The following CNTN4 variants were observed in gnomAD, a reference collection of about 807,000 sequenced individuals.
The protein encoded by CNTN4 is contactin 4, also known as contactin-4.
CNTN4 carries 77 observed loss-of-function variants against 122.5 expected under a neutral mutation model. The observed-to-expected ratio is 0.63, with a 90% CI of 0.52 to 0.76. The LOEUF (loss-of-function observed/expected upper bound fraction) is 0.76. CNTN4 is among the 30% of genes least tolerant of loss of function. The probability of loss-of-function intolerance (pLI) is 0.00; values close to 1 mark genes in which losing one functional copy is unlikely to be tolerated. For synonymous variants in CNTN4, 512 were observed against 447.0 expected (o/e 1.15, Z -1.83); for missense variants, 1,256 against 1,259.1 (o/e 1.00, Z 0.04).
At chr3:2,391,521 A>G (rs949359060) in intron 3 of CNTN4, among the ~76,000 whole-genome samples, 2 of 152,212 alleles carry the variant, frequency 1.3e-5, no homozygotes, top group Non-Finnish European at 2.9e-5. Flanking sequence ...CAGATATACC[A>G]GTCTAGTTTA....
chr3:2,959,499 GA>G (rs201629443), intron 13 of CNTN4, among the ~76,000 whole-genome samples: 1 of 151,496 alleles, frequency 6.6e-6, no homozygotes, highest in African/African-American at 2.4e-5. Flanking sequence ...AACATATTGT[GA>G]AAAAAAATCA....
intron 3 of CNTN4, among the ~76,000 whole-genome samples, chr3:2,371,589 A>G (rs1336476900): frequency 6.6e-6 from 1 of 152,184 alleles, no homozygotes; most frequent in African/African-American, 2.4e-5. Flanking sequence ...TCAGTATAAC[A>G]TTTGTTGAAT....
intron 2 of CNTN4, among the ~76,000 whole-genome samples, chr3:2,245,131 C>T (rs1020198001): frequency 1.3e-5 from 2 of 151,930 alleles, no homozygotes; most frequent in East Asian, 1.9e-4. Flanking sequence ...CAGAATTGTT[C>T]CCATATCTGG....
At chr3:2,980,980 A>G (rs1010287153) in intron 13 of CNTN4, among the ~76,000 whole-genome samples, 3 of 152,150 alleles carry the variant, frequency 2.0e-5, no homozygotes, top group African/African-American at 7.2e-5. Flanking sequence ...AGAAGGGACG[A>G]TGGAGCCACT....
chr3:2,148,154 A>C (rs2035333426), intron 2 of CNTN4, among the ~76,000 whole-genome samples: 1 of 152,200 alleles, frequency 6.6e-6, no homozygotes, highest in Non-Finnish European at 1.5e-5. Context: ...TAGTAGTAGG[A>C]CTAATTGCAA....
intron 6 of CNTN4, among the ~76,000 whole-genome samples, chr3:2,774,213 A>G (rs556737081): frequency 6.6e-6 from 1 of 152,180 alleles, no homozygotes; most frequent in African/African-American, 2.4e-5. Context: ...GTGAGCCAAG[A>G]TTGCACCACT....
intron 6 of CNTN4, among the ~76,000 whole-genome samples, chr3:2,788,925 C>A (rs751346637): frequency 1.3e-5 from 2 of 152,174 alleles, no homozygotes; most frequent in African/African-American, 4.8e-5. Flanking sequence ...GCATATCAAT[C>A]TTCTAAGAGA....
In CNTN4 at chr3:3,037,321, A is replaced by G. The variant is rs1445548563; in HGVS notation, c.2085A>G (p.Glu695=). The stretch of plus-strand genomic sequence containing the variant: ...GCCCCTCAGAGAAACGGAGAACAGA[A>G]GAAGCTCGTGAGTAGCACCCGAGAT... ...PSRPSEKRRT[E]EALPEVTPAN... Residue 695 remains glutamate (E), a synonymous_variant, in exon 18 of 25, where the codon GAA becomes GAG. Coordinates refer to ENST00000418658, the MANE Select transcript of CNTN4 (RefSeq NM_175607.3). 1.2e-6 allele frequency: 2 copies of G among 1,614,086 alleles called. No individual in the cohort carries two copies. Among genetic ancestry groups the G allele is most frequent in the Non-Finnish European group, 1.7e-6 (2 of 1,180,040 alleles).
intron 2 of CNTN4, among the ~76,000 whole-genome samples, chr3:2,125,015 T>G (rs1049958935): frequency 2.6e-5 from 4 of 152,284 alleles, no homozygotes; most frequent in East Asian, 1.9e-4. Flanking sequence ...AAAACAGTGT[T>G]GTTAACTATA....
intron 13 of CNTN4, among the ~76,000 whole-genome samples, chr3:2,937,861 A>G (rs895929463): frequency 6.6e-6 from 1 of 152,068 alleles, no homozygotes; most frequent in Non-Finnish European, 1.5e-5. Context: ...GGGAAGGGAG[A>G]AGTCTCCATG....
intron 10 of CNTN4, among the ~76,000 whole-genome samples, chr3:2,893,257 G>A (rs932228878): frequency 3.3e-5 from 5 of 152,180 alleles, no homozygotes; most frequent in Non-Finnish European, 5.9e-5. Flanking sequence ...TGGTGTTTGA[G>A]TATCTCTAAG....
chr3:2,443,450 T>C (rs1948796), intron 3 of CNTN4, among the ~76,000 whole-genome samples: 47,259 of 152,014 alleles, frequency 0.31, 8,055 homozygotes, highest in East Asian at 0.62. Flanking sequence ...AGTGCCTTTC[T>C]CTCCCTTTAA....
chr3:2,690,767 A>G (rs909469508), intron 4 of CNTN4, among the ~76,000 whole-genome samples: 4 of 152,202 alleles, frequency 2.6e-5, no homozygotes, highest in Non-Finnish European at 5.9e-5. Flanking sequence ...ACATTTCATA[A>G]CACATGAAAA....
intron 3 of CNTN4, among the ~76,000 whole-genome samples, chr3:2,465,210 G>A (rs543269734): frequency 6.6e-6 from 1 of 152,298 alleles, no homozygotes; most frequent in South Asian, 2.1e-4. Context: ...TTAGTAATCT[G>A]TGGGCATGAT....
At position 2,870,655 on chromosome 3, in the gene CNTN4, A is replaced by G. The variant is rs1012274813; in HGVS notation, c.652+3706A>G. Among the ~76,000 whole-genome samples the G allele has an allele frequency of 3.3e-5, 5 of 152,264 alleles. No homozygotes were observed. In the East Asian group the frequency reaches 9.7e-4, roughly 29 times the overall value. On this transcript the variant is annotated intron_variant, in intron 8 of 24. Coordinates refer to ENST00000418658, the MANE Select transcript of CNTN4 (RefSeq NM_175607.3). ...ACAATCATTTTGATGATTGAAGCAC[A>G]CTCAAAATTTCACATCCTCTGTCTG...
intron 2 of CNTN4, among the ~76,000 whole-genome samples, chr3:2,135,165 A>G (rs964158861): frequency 3.9e-5 from 6 of 152,150 alleles, no homozygotes; most frequent in Admixed American, 3.9e-4. Flanking sequence ...GCCAGGTAGG[A>G]GAGCATTAGA....
intron 12 of CNTN4, among the ~76,000 whole-genome samples, chr3:2,921,846 T>C (rs2094432554): frequency 6.6e-6 from 1 of 152,220 alleles, no homozygotes; most frequent in African/African-American, 2.4e-5. Context: ...AGGGGTTCTA[T>C]TGGCCACTTA....
chr3:2,286,713 A>G (rs1469202075), intron 2 of CNTN4, among the ~76,000 whole-genome samples: 4 of 152,176 alleles, frequency 2.6e-5, no homozygotes, highest in African/African-American at 7.2e-5. Flanking sequence ...ATCCATGATC[A>G]TAATTGAACA....
At chr3:2,191,894 A>G (rs1320608427) in intron 2 of CNTN4, among the ~76,000 whole-genome samples, 4 of 150,578 alleles carry the variant, frequency 2.7e-5, no homozygotes, top group Admixed American at 6.6e-5. Flanking sequence ...CCCACTCCAC[A>G]ACAGGCCCCA....
Sources: gnomAD v4.1 joint callset for allele counts (sites outside exome capture counted in the v4.1 genomes callset) on GRCh38, gnomAD v4.1.1 for gene constraint, MANE v1.5 for transcripts, NCBI Gene and HGNC (gene_info 2026-07-23, HGNC 2026-07-21) for gene names.